Variants in IL7 observed in about 807,000 individuals in gnomAD.
IL7 encodes interleukin-7.
A neutral mutation model predicts 21.6 loss-of-function variants in IL7; 3 were observed. The observed-to-expected ratio is 0.14, with a 90% CI of 0.06 to 0.36. IL7 has a LOEUF of 0.36. Among genes scored for constraint, IL7 ranks in the 10% least tolerant of loss-of-function variants. IL7 has a pLI of 1.00. For synonymous variants in IL7, 62 were observed against 68.1 expected, an observed-to-expected ratio of 0.91 and a Z score of 0.44; for missense variants, 175 against 200.2, an observed-to-expected ratio of 0.87 and a Z score of 0.76.
chr8:78,676,241 G>A (rs1463486165), intron 4 of IL7: 1 of 154,968 alleles, frequency 6.5e-6, no homozygotes, highest in Non-Finnish European at 1.4e-5. Flanking sequence ...AGGGATAGAT[G>A]AAACAAAATA....
intron 2 of IL7, among the ~76,000 whole-genome samples, chr8:78,780,233 A>G (rs1177803338): frequency 1.3e-5 from 2 of 151,696 alleles, no homozygotes; most frequent in Non-Finnish European, 2.9e-5. Flanking sequence ...CATCTGCTTC[A>G]ATTCTTTTCT....
rs76325204 is a variant in IL7, at chr8:78,697,259, G to A, written n.215-11312C>T. ...AAGTGTTTTAATACATTAATGATGT[G>A]CAACCATCATCACCATTCATTTCCA... On this transcript the variant is annotated intron_variant and non_coding_transcript_variant, in intron 3 of 4. Transcript: ENST00000523959. 1,966 of 609,178 alleles carry A rather than the reference G, an allele frequency of 3.2e-3. 25 individuals are homozygous for A. In the African/African-American group the frequency reaches 0.033, roughly 10 times the overall value. 37.7% of individuals were successfully genotyped at this position (609,178 alleles called of 1,614,324 possible). A position where few individuals can be genotyped will look rare whatever the true frequency, so the allele number is the denominator to read the frequency against.
At chr8:78,692,363 T>A (rs949154910) in intron 3 of IL7, among the ~76,000 whole-genome samples, 5 of 152,162 alleles carry the variant, frequency 3.3e-5, no homozygotes, top group Non-Finnish European at 5.9e-5. Context: ...ATTATTACTA[T>A]TTTTTAATCC....
chr8:78,688,275 A>G (rs1222993407), intron 3 of IL7, among the ~76,000 whole-genome samples: 1 of 152,172 alleles, frequency 6.6e-6, no homozygotes, highest in East Asian at 1.9e-4. Context: ...CATGTCTAAT[A>G]TAAGAGAGTG....
intron 2 of IL7, chr8:78,762,459 C>A: frequency 1.9e-6 from 3 of 1,553,146 alleles, no homozygotes; most frequent in South Asian, 2.3e-5. Flanking sequence ...CCGGTCCAGC[C>A]CTCCCCTCCC....
intron 2 of IL7, among the ~76,000 whole-genome samples, chr8:78,794,319 CT>C (rs1352371959): frequency 6.6e-6 from 1 of 152,124 alleles, no homozygotes; most frequent in Non-Finnish European, 1.5e-5. Flanking sequence ...TGAAACTACT[CT>C]TTGATTCACG....
At chr8:78,717,017 T>TA (rs147367718), downstream of IL7, among the ~76,000 whole-genome samples, 23,951 of 152,142 alleles carry the variant, frequency 0.16, 2,053 homozygotes, top group Middle Eastern at 0.3. Flanking sequence ...GTGAGTCAGT[T>TA]AAACCTCTTT....
chr8:78,766,598 A>G (rs769088791), intron 2 of IL7, among the ~76,000 whole-genome samples: 1 of 152,128 alleles, frequency 6.6e-6, no homozygotes, highest in Admixed American at 6.5e-5. Context: ...TGATTTTTGT[A>G]TCATTCTCAC....
chr8:78,783,048 AGG>A (rs1813392753), intron 2 of IL7, among the ~76,000 whole-genome samples: 1 of 152,134 alleles, frequency 6.6e-6, no homozygotes, highest in Non-Finnish European at 1.5e-5. Context: ...GCAGGGGAAA[AGG>A]CAGACTGGAG....
chr8:78,706,528 G>A (rs553172704), intron 3 of IL7, among the ~76,000 whole-genome samples: 2 of 152,220 alleles, frequency 1.3e-5, no homozygotes, highest in South Asian at 2.1e-4. Flanking sequence ...AGGGTCACAC[G>A]TTCACTCACT....
downstream of IL7, among the ~76,000 whole-genome samples, chr8:78,727,918 C>T (rs1811364785): frequency 1.3e-5 from 2 of 151,858 alleles, no homozygotes; most frequent in Admixed American, 6.6e-5. Flanking sequence ...GTTTAATAAT[C>T]CTATATCCAT....
intron 3 of IL7, among the ~76,000 whole-genome samples, chr8:78,725,628 A>T (rs1045347745): frequency 2.0e-5 from 3 of 151,986 alleles, no homozygotes; most frequent in Non-Finnish European, 4.4e-5. Flanking sequence ...GTAATGGGGG[A>T]TGTGTTAAAA....
intron 2 of IL7, 71 bp downstream of exon 2, chr8:78,798,001 A>C (rs2130844751): frequency 1.6e-6 from 2 of 1,237,946 alleles, no homozygotes; most frequent in African/African-American, 1.5e-5. Flanking sequence ...CTTGATTATA[A>C]AACTGCATAC....
At chr8:78,750,280 G>T (rs118091418) in intron 2 of IL7, among the ~76,000 whole-genome samples, 7 of 151,922 alleles carry the variant, frequency 4.6e-5, no homozygotes, top group Non-Finnish European at 1.0e-4. Flanking sequence ...TCACAGGCTC[G>T]CCAAAAGACT....
At chr8:78,746,481 G>A (rs1811981767) in intron 2 of IL7, among the ~76,000 whole-genome samples, 1 of 152,236 alleles carries the variant, frequency 6.6e-6, no homozygotes, top group Admixed American at 6.5e-5. Flanking sequence ...GAGAAAGCAA[G>A]GAGGAAGCCA....
chr8:78,770,275 C>T (rs1324011114), intron 2 of IL7, among the ~76,000 whole-genome samples: 1 of 152,110 alleles, frequency 6.6e-6, no homozygotes, highest in Non-Finnish European at 1.5e-5. Context: ...TAAAATTTGC[C>T]TGGGTCTAAG....
At chr8:78,766,741 C>A (rs1344137020) in intron 2 of IL7, among the ~76,000 whole-genome samples, 1 of 152,104 alleles carries the variant, frequency 6.6e-6, no homozygotes, top group Non-Finnish European at 1.5e-5. Context: ...TTGCTCCTAC[C>A]AACAATTCTG....
chr8:78,797,477 CAG>C (rs138975783), intron 2 of IL7, among the ~76,000 whole-genome samples: 32 of 150,816 alleles, frequency 2.1e-4, no homozygotes, highest in African/African-American at 5.8e-4. Context: ...GGAAACAGTG[CAG>C]AGAGAGAGAG....
chr8:78,675,754 A>G lies in IL7; in HGVS notation n.624T>C, dbSNP rs771696578. 11 of 1,491,872 alleles carry G rather than the reference A, an allele frequency of 7.4e-6. No individual in the cohort carries two copies. In the East Asian group the frequency reaches 9.2e-5, roughly 12 times the overall value. 92.4% of individuals were successfully genotyped at this position (1,491,872 alleles called of 1,614,324 possible). A position where few individuals can be genotyped will look rare whatever the true frequency, so the allele number is the denominator to read the frequency against. ...GTGAAGTTTCACAATTTCAAGTTATATAAATTATTTATTAAATTCCTTCCT... is the reference window on the plus strand; with the variant it reads ...GTGAAGTTTCACAATTTCAAGTTATGTAAATTATTTATTAAATTCCTTCCT... On this transcript the variant is annotated non_coding_transcript_exon_variant, in exon 5 of 5. Transcript: ENST00000523959.
Sources: gnomAD v4.1 joint callset for allele counts (sites outside exome capture counted in the v4.1 genomes callset) on GRCh38, gnomAD v4.1.1 for gene constraint, MANE v1.5 for transcripts, NCBI Gene and HGNC (gene_info 2026-07-23, HGNC 2026-07-21) for gene names.